ZFP90: variants seen among roughly 807,000 people sequenced by gnomAD.
ZFP90 encodes the protein zinc finger protein 90 homolog.
Under a neutral mutation model 60.8 loss-of-function variants are expected in ZFP90, and 38 were observed. The observed-to-expected ratio is 0.62, with a 90% CI of 0.48 to 0.82. The LOEUF (loss-of-function observed/expected upper bound fraction) is 0.82, where lower values mean the gene tolerates loss of function less well. Ranked by LOEUF, ZFP90 falls within the 40% of genes least tolerant of loss-of-function variation. The pLI, the probability that ZFP90 is intolerant of heterozygous loss-of-function variation, is 0.00. For missense variants in ZFP90, 711 were observed against 759.1 expected (o/e 0.94, Z 0.74); for synonymous variants, 287 against 264.8 (o/e 1.08, Z -0.82).
chr16:68,552,074 T>TA (rs34473050), intron 2 of ZFP90, among the ~76,000 whole-genome samples: 116,384 of 151,882 alleles, frequency 0.77, 44,697 homozygotes, highest in East Asian at 0.82. Context: ...TGTTAGTTTT[T>TA]AAAAGGGGTT....
At chr16:68,545,626 A>G (rs1415986682) in intron 2 of ZFP90, among the ~76,000 whole-genome samples, 1 of 150,254 alleles carries the variant, frequency 6.7e-6, no homozygotes, top group Non-Finnish European at 1.5e-5. Context: ...CATCCTGGCT[A>G]ACATGGTGAA....
At chr16:68,574,807 C>A (rs1341860274) in intron 2 of ZFP90, among the ~76,000 whole-genome samples, 3 of 151,482 alleles carry the variant, frequency 2.0e-5, no homozygotes, top group Non-Finnish European at 4.4e-5. Flanking sequence ...ACCTGTAGTC[C>A]CAGCTACTTG....
downstream of ZFP90, among the ~76,000 whole-genome samples, chr16:68,569,136 CTTTTTT>C (rs35827680): frequency 1.6e-5 from 2 of 123,046 alleles, no homozygotes; most frequent in South Asian, 5.1e-4. Context: ...ATTAGTCCCA[CTTTTTT>C]TTTTTTTTTT....
At chr16:68,561,873 C>G (rs1728789) in intron 4 of ZFP90, among the ~76,000 whole-genome samples, 8 of 152,132 alleles carry the variant, frequency 5.3e-5, no homozygotes, top group African/African-American at 1.2e-4. Flanking sequence ...GATTTCCTCT[C>G]TCAACATTTT....
chr16:68,558,431 C>T, intron 3 of ZFP90, 42 bp from the exon 4 acceptor site: 7 of 1,575,122 alleles, frequency 4.4e-6, no homozygotes, highest in Non-Finnish European at 6.1e-6. Flanking sequence ...TCTTTGTCCA[C>T]TTGCACAAAC....
intron 2 of ZFP90, among the ~76,000 whole-genome samples, chr16:68,549,325 C>T (rs893716558): frequency 6.6e-6 from 1 of 152,102 alleles, no homozygotes; most frequent in African/African-American, 2.4e-5. Context: ...AAAAGCTGCC[C>T]AGGTGATTCT....
intron 2 of ZFP90, among the ~76,000 whole-genome samples, chr16:68,552,023 G>A (rs539084737): frequency 1.4e-4 from 21 of 152,112 alleles, no homozygotes; most frequent in Non-Finnish European, 2.5e-4. Context: ...GCCTCCCAAA[G>A]TGCTGGGATT....
At chr16:68,556,402 G>C (rs1156337603) in intron 2 of ZFP90, among the ~76,000 whole-genome samples, 1 of 152,210 alleles carries the variant, frequency 6.6e-6, no homozygotes, top group Admixed American at 6.5e-5. Context: ...CCTAGCCGTT[G>C]TAATTTTAGC....
chr16:68,540,825 AAAAAAT>A (rs915235571), intron 2 of ZFP90, among the ~76,000 whole-genome samples: 4 of 141,070 alleles, frequency 2.8e-5, no homozygotes, highest in Non-Finnish European at 5.9e-5. Flanking sequence ...AAAAAAAAAA[AAAAAAT>A]TTAAAAGATA....
chr16:68,533,891 A>T (rs1728781), intron 2 of ZFP90: 116,585 of 152,122 alleles, frequency 0.77, 44,770 homozygotes, highest in East Asian at 0.82. Flanking sequence ...TTTAAAGATC[A>T]TCTTTGGTGT....
At position 68,566,338 on chromosome 16, in the gene ZFP90, T is replaced by G. The variant is rs568567965; in HGVS notation, c.*1640T>G. The stretch of plus-strand genomic sequence containing the variant: ...TTACACAAGAGCTGCCTCCCAAAGA[T>G]AGATAAATTTTCCCAGCCCTAAATA... On this transcript the variant is annotated 3_prime_UTR_variant, in exon 5 of 5. Transcript: ENST00000563169. The G allele has an allele frequency of 1.2e-5, 12 of 983,862 alleles. No individual in the cohort carries two copies. Among genetic ancestry groups the G allele is most frequent in the Non-Finnish European group, 1.4e-5 (12 of 829,896 alleles). 60.9% of individuals were successfully genotyped at this position (983,862 alleles called of 1,614,324 possible).
In ZFP90 at chr16:68,564,547, G is replaced by A. The variant is rs773950931; in HGVS notation, c.1760G>A (p.Gly587Glu). 11 of 1,613,984 alleles carry A rather than the reference G, an allele frequency of 6.8e-6. No homozygotes were observed. Among genetic ancestry groups the A allele is most frequent in the Non-Finnish European group, 8.5e-6 (10 of 1,179,970 alleles). Reference sequence around the variant, plus strand: ...AAGCCCTATGAATGTAATGAATGTGGGAGAGCCTTCCGAAAAAAAACCAAC... The same window carrying A: ...AAGCCCTATGAATGTAATGAATGTGAGAGAGCCTTCCGAAAAAAAACCAAC... ...GEKPYECNEC[G>E]RAFRKKTNLH... Residue 587 changes from glycine to glutamate, a missense_variant, in exon 5 of 5, where the codon GGG becomes GAG. Transcript: ENST00000563169.
chr16:68,551,897 T>A (rs1160381344), intron 2 of ZFP90, among the ~76,000 whole-genome samples: 1 of 152,138 alleles, frequency 6.6e-6, no homozygotes, highest in African/African-American at 2.4e-5. Flanking sequence ...TATCTGGGAC[T>A]ACAGGCGCTC....
Position 68,563,255 on chromosome 16 carries a change from G to A in ZFP90, c.468G>A (p.Glu156=). ...KKIITPQENF[E]QNKFGENSRL... is the part of the protein sequence containing the mutation. ...TAATTACACCACAAGAAAATTTTGA[G>A]CAAAATAAATTTGGTGAAAATTCTA... Residue 156 remains glutamate (E), a synonymous_variant, in exon 5 of 5, where the codon GAG becomes GAA. Transcript: ENST00000563169. 6 of 1,613,496 alleles carry A rather than the reference G, an allele frequency of 3.7e-6. No homozygotes were observed. The highest frequency in any genetic ancestry group is 5.1e-6 in the Non-Finnish European group (6 of 1,179,810).
Position 68,563,085 on chromosome 16 carries a change from C to T in ZFP90, c.298C>T (p.Gln100Ter). 6.2e-7 allele frequency: 1 copy of T among 1,614,094 alleles called. No individual in the cohort carries two copies. Among genetic ancestry groups the T allele is most frequent in the Non-Finnish European group, 8.5e-7 (1 of 1,180,022 alleles). The change falls in exon 5 of 5, where the codon CAG (glutamine) becomes TAG (stop). Residue 100 changes from glutamine to a stop codon, truncating the protein, a stop_gained. Transcript: ENST00000563169. LOFTEE classifies it high-confidence loss of function. The stretch of plus-strand genomic sequence containing the variant: ...TGAAGTCAAATCATCACATTTGCAG[C>T]AGGATGTATCAGAAGTATCCCACTG... ...RPEVKSSHLQQDVSEVSHCTH... is the reference protein window; with the variant it reads ...RPEVKSSHLQ
rs558583910 is a variant in ZFP90 at position 68,563,703 on chromosome 16, G to A, written c.916G>A (p.Gly306Arg). ...SLGQHENAHT[G>R]EKPYQCSLCG... is the part of the protein sequence containing the mutation. ...TGGTCAGCATGAGAATGCTCATACC[G>A]GAGAGAAACCCTATCAGTGTAGTCT... The change falls in exon 5 of 5, where the codon GGA (glycine) becomes AGA (arginine). Residue 306 changes from glycine to arginine, a missense_variant. Transcript: ENST00000563169. 5.0e-6 allele frequency: 8 copies of A among 1,614,116 alleles called. No individual in the cohort carries two copies. The highest frequency in any genetic ancestry group is 3.3e-5 in the South Asian group (3 of 91,082).
At chr16:68,562,406 A>G (rs1016006867) in intron 4 of ZFP90, 3 of 152,368 alleles carry the variant, frequency 2.0e-5, no homozygotes, top group Non-Finnish European at 4.4e-5. Flanking sequence ...AGATTGAAAT[A>G]AATTTTTTGG....
intron 2 of ZFP90, among the ~76,000 whole-genome samples, chr16:68,574,615 G>T (rs2091584138): frequency 6.6e-6 from 1 of 152,090 alleles, no homozygotes; most frequent in Admixed American, 6.6e-5. Flanking sequence ...TTGTCTGGAG[G>T]CATTTTGCTG....
upstream of ZFP90, among the ~76,000 whole-genome samples, chr16:68,538,909 C>G (rs1362297810): frequency 6.6e-6 from 1 of 152,206 alleles, no homozygotes; most frequent in African/African-American, 2.4e-5. Flanking sequence ...ATGCCCCACC[C>G]TCTGACGCTG....
Sources: allele counts gnomAD v4.1 joint callset (sites outside exome capture counted in the v4.1 genomes callset), GRCh38; gene constraint gnomAD v4.1.1; transcripts MANE v1.5; gene names NCBI Gene and HGNC (gene_info 2026-07-23, HGNC 2026-07-21).